VIPR2: variants seen among roughly 807,000 people sequenced by gnomAD.
The protein encoded by VIPR2 is vasoactive intestinal peptide receptor 2.
In VIPR2, 48 loss-of-function variants were observed where a neutral mutation model predicts 58.0. The ratio of observed to expected loss-of-function variants is 0.83; its 90% CI spans 0.66 to 1.05. The LOEUF is 1.05. Among genes scored for constraint, VIPR2 ranks in the 50% least tolerant of loss-of-function variants. VIPR2 has a pLI of 0.00. For synonymous variants in VIPR2, 243 were observed against 235.2 expected (o/e 1.03, Z -0.30); for missense variants, 534 against 558.0 (o/e 0.96, Z 0.43).
chr7:159,134,551 T>C (rs1797116050), intron 2 of VIPR2, among the ~76,000 whole-genome samples: 1 of 152,196 alleles, frequency 6.6e-6, no homozygotes, highest in Non-Finnish European at 1.5e-5. Flanking sequence ...ATTTTATGTG[T>C]GGTCAAACTA....
Position 159,128,061 on chromosome 7 carries a change from G to A in VIPR2, c.151+14385C>T, listed in dbSNP as rs1412660068. On this transcript the variant is annotated intron_variant, in intron 2 of 12. Coordinates refer to ENST00000262178, the MANE Select transcript of VIPR2 (RefSeq NM_003382.5). The surrounding 1 kb of genome is among the most constrained non-coding windows in gnomAD (Gnocchi z 4.1). ...CCACCTTGCAGCAGGGCCTGACCGT[G>A]GGTCTCGGCAGGAATGGAGCCAGGT... 6.6e-6 allele frequency among the ~76,000 whole-genome samples: 1 copy of A among 152,190 alleles called. No individual in the cohort carries two copies. The highest frequency in any genetic ancestry group is 1.9e-4 in the East Asian group (1 of 5,176).
At chr7:159,110,193 T>C (rs1795937952) in intron 2 of VIPR2, among the ~76,000 whole-genome samples, 1 of 152,218 alleles carries the variant, frequency 6.6e-6, no homozygotes, top group Non-Finnish European at 1.5e-5. Context: ...TGATCAGCAT[T>C]TCCTAGTGTG....
chr7:159,136,668 C>T (rs1797242474), intron 2 of VIPR2, among the ~76,000 whole-genome samples: 1 of 152,152 alleles, frequency 6.6e-6, no homozygotes, highest in South Asian at 2.1e-4. Flanking sequence ...TCAAGAACCC[C>T]CGCGTCAACA....
chr7:159,097,242 G>C lies in VIPR2; in HGVS notation c.357+6515C>G, dbSNP rs1857916084. On this transcript the variant is annotated intron_variant, in intron 4 of 12. Coordinates refer to ENST00000262178, the MANE Select transcript of VIPR2 (RefSeq NM_003382.5). This position sits in a 1 kb window ranked among gnomAD's most constrained non-coding sequence, Gnocchi z 5.3. ...AACGAGTCACTGCGGTGGCCTGAGT[G>C]CTGGAGGAGGGCAGAGGCTTATTTT... 1 of 1,397,854 alleles carries C rather than the reference G, an allele frequency of 7.2e-7. No homozygotes were observed. The highest frequency in any genetic ancestry group is 1.4e-5 in the African/African-American group (1 of 69,314). 86.6% of individuals were successfully genotyped at this position (1,397,854 alleles called of 1,614,324 possible). A position where few individuals can be genotyped will look rare whatever the true frequency, so the allele number is the denominator to read the frequency against.
chr7:159,076,725 T>C (rs1309120955), intron 4 of VIPR2, among the ~76,000 whole-genome samples: 1 of 152,214 alleles, frequency 6.6e-6, no homozygotes, highest in Non-Finnish European at 1.5e-5. Flanking sequence ...TCTAAAACTT[T>C]CAGAAAAACA....
chr7:159,071,567 G>T (rs1417257198), intron 4 of VIPR2, among the ~76,000 whole-genome samples: 1 of 152,194 alleles, frequency 6.6e-6, no homozygotes, highest in Non-Finnish European at 1.5e-5. Flanking sequence ...CCCCCTCCTT[G>T]TCCAGAACAG....
At chr7:159,063,139 G>A (rs949089350) in intron 4 of VIPR2, among the ~76,000 whole-genome samples, 2 of 152,200 alleles carry the variant, frequency 1.3e-5, no homozygotes, top group Non-Finnish European at 2.9e-5. Context: ...TGCGCTGCGT[G>A]CCCGCAGCCC....
chr7:159,063,480 G>A (rs1020055039), intron 4 of VIPR2, among the ~76,000 whole-genome samples: 3 of 151,972 alleles, frequency 2.0e-5, no homozygotes, highest in Non-Finnish European at 4.4e-5. Context: ...CGCAAGGGCC[G>A]CGCACAGCCC....
chr7:159,034,329 G>C (rs2129492855), intron 9 of VIPR2, 25 bp from the exon 10 acceptor site: 2 of 1,609,134 alleles, frequency 1.2e-6, no homozygotes, highest in South Asian at 1.1e-5. Context: ...ATAAGTTTGT[G>C]AAACAGACAC....
chr7:159,117,663 C>T (rs1031858077), intron 2 of VIPR2, among the ~76,000 whole-genome samples: 1 of 152,230 alleles, frequency 6.6e-6, no homozygotes, highest in African/African-American at 2.4e-5. Context: ...TTCAGAGTCA[C>T]CTGCCCCTAC....
In VIPR2 at chr7:159,114,740, A is replaced by G. The variant is rs191250772; in HGVS notation, c.152-4821T>C. Reference sequence around the variant, plus strand: ...AGGATTGCTTGAGCCCAGGAGCTTGAGTCAAGCCCGGGTGACTGAGTGAGG... The same window carrying G: ...AGGATTGCTTGAGCCCAGGAGCTTGGGTCAAGCCCGGGTGACTGAGTGAGG... On this transcript the variant is annotated intron_variant, in intron 2 of 12. Coordinates refer to ENST00000262178, the MANE Select transcript of VIPR2 (RefSeq NM_003382.5). 9.0e-3 allele frequency among the ~76,000 whole-genome samples: 1,353 copies of G among 150,512 alleles called. 84 individuals are homozygous for G. Among genetic ancestry groups the G allele is most frequent in the Admixed American group, 0.085 (1,280 of 15,056 alleles).
chr7:159,114,024 T>A (rs1251746291), intron 2 of VIPR2, among the ~76,000 whole-genome samples: 1 of 152,162 alleles, frequency 6.6e-6, no homozygotes, highest in Non-Finnish European at 1.5e-5. Context: ...CTTTTACAAT[T>A]TTATAAATGC....
intron 4 of VIPR2, among the ~76,000 whole-genome samples, chr7:159,072,030 C>A (rs374136950): frequency 1.5e-5 from 2 of 135,116 alleles, no homozygotes; most frequent in Admixed American, 8.0e-5. Context: ...AAACACACAT[C>A]GCTAGACTAG....
chr7:159,030,858 G>A lies in VIPR2; in HGVS notation c.1144-69C>T, dbSNP rs1339714618. The A allele has an allele frequency of 5.0e-6, 7 of 1,406,114 alleles. No homozygotes were observed. In the East Asian group the frequency reaches 8.6e-5, roughly 17 times the overall value. 87.1% of individuals were successfully genotyped at this position (1,406,114 alleles called of 1,614,324 possible). A position where few individuals can be genotyped will look rare whatever the true frequency, so the allele number is the denominator to read the frequency against. On this transcript the variant is annotated intron_variant, in intron 12 of 12. Coordinates refer to ENST00000262178, the MANE Select transcript of VIPR2 (RefSeq NM_003382.5). ...TGCGGGCGGCTGCTATGGGAAGCGC[G>A]GCCCGCGAGCCTCCAGCTCTCCCTC...
Position 159,130,293 on chromosome 7 carries a change from G to A in VIPR2, c.151+12153C>T, listed in dbSNP as rs975781731. The stretch of plus-strand genomic sequence containing the variant: ...AGCCATCTTTGTAAAGCTAATGAGA[G>A]ACCACCGGGCTAGGGAGAGGAGAGG... On this transcript the variant is annotated intron_variant, in intron 2 of 12. Coordinates refer to ENST00000262178, the MANE Select transcript of VIPR2 (RefSeq NM_003382.5). Among the ~76,000 whole-genome samples, 5 of 152,146 alleles carry A rather than the reference G, an allele frequency of 3.3e-5. No individual in the cohort carries two copies. In the South Asian group the frequency reaches 1.0e-3, roughly 32 times the overall value.
intron 2 of VIPR2, among the ~76,000 whole-genome samples, chr7:159,123,285 C>G (rs1287540849): frequency 3.9e-5 from 2 of 50,864 alleles, no homozygotes; most frequent in Non-Finnish European, 6.7e-5. Flanking sequence ...GAGCAAGACT[C>G]TGTAAAAAAA....
chr7:159,082,261 T>C (rs949618306), intron 4 of VIPR2, among the ~76,000 whole-genome samples: 8 of 152,284 alleles, frequency 5.3e-5, no homozygotes, highest in Admixed American at 4.6e-4. Context: ...GTGGCACACA[T>C]ACACCATGGA....
chr7:159,038,814 T>C (rs1220685364), intron 6 of VIPR2, among the ~76,000 whole-genome samples: 3 of 152,156 alleles, frequency 2.0e-5, no homozygotes, highest in African/African-American at 7.2e-5. Flanking sequence ...TTATATAAAC[T>C]TTAAAAGCTT....
At chr7:159,042,316 G>A (rs1372484026) in intron 6 of VIPR2, among the ~76,000 whole-genome samples, 3 of 152,142 alleles carry the variant, frequency 2.0e-5, no homozygotes, top group Non-Finnish European at 4.4e-5. Context: ...AAGATGCCGA[G>A]CATGTGGAGT....
Sources: allele counts gnomAD v4.1 joint callset (sites outside exome capture counted in the v4.1 genomes callset), GRCh38; gene constraint gnomAD v4.1.1; non-coding constraint Gnocchi (gnomAD v3.1); transcripts MANE v1.5; gene names NCBI Gene and HGNC (gene_info 2026-07-23, HGNC 2026-07-21).